The following TMEM106B variants were observed in gnomAD, a reference collection of about 807,000 sequenced individuals.
TMEM106B encodes the protein transmembrane protein 106B.
A neutral mutation model predicts 31.1 loss-of-function variants in TMEM106B; 15 were observed. The ratio of observed to expected loss-of-function variants is 0.48; its 90% CI spans 0.32 to 0.74. The LOEUF (loss-of-function observed/expected upper bound fraction) is 0.74. Ranked by LOEUF, TMEM106B falls within the 30% of genes least tolerant of loss-of-function variation. TMEM106B has a pLI of 0.03. For synonymous variants in TMEM106B, 126 were observed against 112.5 expected (o/e 1.12, Z -0.76); for missense variants, 283 against 327.3 (o/e 0.86, Z 1.04).
rs924856730 is a variant in TMEM106B, at chr7:12,212,661, G to A, written c.-3+1236G>A. Among the ~76,000 whole-genome samples, 100 of 152,038 alleles carry A rather than the reference G, an allele frequency of 6.6e-4. 2 individuals are homozygous for A. The highest frequency in any genetic ancestry group is 2.9e-5 in the Non-Finnish European group (2 of 68,032). On this transcript the variant is annotated intron_variant, in intron 1 of 7. Coordinates refer to ENST00000396668, the MANE Select transcript of TMEM106B (RefSeq NM_001134232.2). ...TTTTGTGTATATTCATGGAGTACAA[G>A]TGCCATTTGCTACATTGATACACAA... is the stretch of plus-strand genomic sequence containing the variant.
rs1468654244 is a variant in TMEM106B, at chr7:12,242,606, T to C, written c.*10631T>C. 3.3e-5 allele frequency: 5 copies of C among 152,148 alleles called. No individual in the cohort carries two copies. The highest frequency in any genetic ancestry group is 9.7e-5 in the African/African-American group (4 of 41,450). 9.4% of individuals were successfully genotyped at this position (152,148 alleles called of 1,614,324 possible). On this transcript the variant is annotated 3_prime_UTR_variant, in exon 8 of 8. Transcript: ENST00000396668. ...ATAAACTTTTATGCATCTGATATTATCTAATTGTGTCCTTACTGGGTAACT... is the reference window on the plus strand; with the variant it reads ...ATAAACTTTTATGCATCTGATATTACCTAATTGTGTCCTTACTGGGTAACT...
At chr7:12,211,448 T>TC (rs1434802223) in intron 1 of TMEM106B, 23 bp downstream of exon 1, 1 of 152,440 alleles carries the variant, frequency 6.6e-6, no homozygotes, top group African/African-American at 2.4e-5. Flanking sequence ...GGACGTGCAG[T>TC]CCCCAGGTCC....
chr7:12,237,803 T>TA lies in TMEM106B; in HGVS notation c.*5832dup, dbSNP rs1782166609. The TA allele has an allele frequency of 8.2e-6, 1 of 122,480 alleles. No homozygotes were observed. The highest frequency in any genetic ancestry group is 3.3e-5 in the African/African-American group (1 of 30,066). The allele number at this position is 122,480 out of a possible 1,614,324, so 7.6% of individuals were successfully genotyped here. A position where few individuals can be genotyped will look rare whatever the true frequency, so the allele number is the denominator to read the frequency against. ...TTGGTCAACATGGCGAGACCCCATA[T>TA]AAAATATATACATACACACACACAC... On this transcript the variant is annotated 3_prime_UTR_variant, in exon 8 of 8. Coordinates refer to ENST00000396668, the MANE Select transcript of TMEM106B (RefSeq NM_001134232.2).
chr7:12,241,847 C>T lies in TMEM106B; in HGVS notation c.*9872C>T, dbSNP rs1782242492. ...ACCACACTGTCTTCCACAATGGTTG[C>T]AATTTACACTCCCACCAACAGTGTG... On this transcript the variant is annotated 3_prime_UTR_variant, in exon 8 of 8. Transcript: ENST00000396668. The T allele has an allele frequency of 6.6e-6, 1 of 151,990 alleles. No homozygotes were observed. Among genetic ancestry groups the T allele is most frequent in the Admixed American group, 6.6e-5 (1 of 15,242 alleles). 9.4% of individuals were successfully genotyped at this position (151,990 alleles called of 1,614,324 possible). A position where few individuals can be genotyped will look rare whatever the true frequency, so the allele number is the denominator to read the frequency against.
At chr7:12,230,513 AT>A in intron 6 of TMEM106B, 75 bp downstream of exon 6, 1 of 1,026,300 alleles carries the variant, frequency 9.7e-7, no homozygotes, top group Non-Finnish European at 1.4e-6. Flanking sequence ...GAGTATACAT[AT>A]TTTTTAATTT....
intron 1 of TMEM106B, chr7:12,211,666 C>CT (rs976408004): frequency 6.6e-6 from 1 of 152,430 alleles, no homozygotes; most frequent in Non-Finnish European, 1.5e-5. Flanking sequence ...GCCCTCACAC[C>CT]TTGAGCGCCA....
chr7:12,222,034 G>T (rs1781799376), intron 3 of TMEM106B, among the ~76,000 whole-genome samples: 1 of 152,122 alleles, frequency 6.6e-6, no homozygotes, highest in South Asian at 2.1e-4. Flanking sequence ...TGAGTGATTT[G>T]TAAGATTATT....
At chr7:12,222,808 C>G (rs1781814077) in intron 3 of TMEM106B, among the ~76,000 whole-genome samples, 1 of 152,078 alleles carries the variant, frequency 6.6e-6, no homozygotes, top group Admixed American at 6.5e-5. Flanking sequence ...TTTAATAAAC[C>G]AGTTTGCTCT....
In TMEM106B at chr7:12,234,060, CATTTACTTT is replaced by C. The variant is rs1296192678; in HGVS notation, c.*2089_*2097del. 6.6e-6 allele frequency: 1 copy of C among 151,728 alleles called. No homozygotes were observed. The highest frequency in any genetic ancestry group is 1.9e-4 in the East Asian group (1 of 5,194). The allele number at this position is 151,728 out of a possible 1,614,324, so 9.4% of individuals were successfully genotyped here. A position where few individuals can be genotyped will look rare whatever the true frequency, so the allele number is the denominator to read the frequency against. The stretch of plus-strand genomic sequence containing the variant: ...ATGTTCCCATCCTGTCCTCATGTCC[CATTTACTTT>C]ATTATCACCATTCATTTCTTCAAAA... On this transcript the variant is annotated 3_prime_UTR_variant, in exon 8 of 8. Transcript: ENST00000396668.
chr7:12,224,976 T>C (rs539770990), intron 4 of TMEM106B, among the ~76,000 whole-genome samples: 51 of 152,080 alleles, frequency 3.4e-4, no homozygotes, highest in Non-Finnish European at 6.3e-4. Flanking sequence ...CATTAACTCA[T>C]CATTTACTTT....
rs1176536204 is a variant in TMEM106B, at chr7:12,237,953, C to T, written c.*5978C>T. ...GTCTGGATGTTGTTTGCTGATAGAT[C>T]CATGTAGTGGTTACTAAAGTTGGGG... On this transcript the variant is annotated 3_prime_UTR_variant, in exon 8 of 8. Coordinates refer to ENST00000396668, the MANE Select transcript of TMEM106B (RefSeq NM_001134232.2). The T allele has an allele frequency of 1.3e-5, 2 of 152,022 alleles. No individual in the cohort carries two copies. Among genetic ancestry groups the T allele is most frequent in the East Asian group, 1.9e-4 (1 of 5,178 alleles). The allele number at this position is 152,022 out of a possible 1,614,324, so 9.4% of individuals were successfully genotyped here.
intron 7 of TMEM106B, 33 bp downstream of exon 7, chr7:12,231,148 CTTG>C: frequency 6.7e-7 from 1 of 1,497,230 alleles, no homozygotes; most frequent in Non-Finnish European, 9.2e-7. Flanking sequence ...AGAGATTTTG[CTTG>C]TTAACATTTT....
chr7:12,233,891 A>G lies in TMEM106B; in HGVS notation c.*1916A>G, dbSNP rs1388595570. On this transcript the variant is annotated 3_prime_UTR_variant, in exon 8 of 8. Transcript: ENST00000396668. ...ACCTGTATCTGTAGTAGGGCTTCCA[A>G]ATCTGCTTCTCCATATGTGACCAGT... is the stretch of plus-strand genomic sequence containing the variant. 1 of 151,602 alleles carries G rather than the reference A, an allele frequency of 6.6e-6. No individual in the cohort carries two copies. Among genetic ancestry groups the G allele is most frequent in the African/African-American group, 2.4e-5 (1 of 41,376 alleles). 9.4% of individuals were successfully genotyped at this position (151,602 alleles called of 1,614,324 possible).
intron 7 of TMEM106B, 133 bp downstream of exon 7, chr7:12,231,248 G>C (rs962325580): frequency 4.8e-6 from 3 of 622,798 alleles, no homozygotes; most frequent in African/African-American, 1.9e-5. Context: ...AGTGCTATGA[G>C]TAAATATCAC....
At chr7:12,227,288 CT>C (rs1235241602) in intron 4 of TMEM106B, among the ~76,000 whole-genome samples, 1 of 151,962 alleles carries the variant, frequency 6.6e-6, no homozygotes, top group African/African-American at 2.4e-5. Context: ...AGTAGTACTA[CT>C]TTTTAGTAAC....
At chr7:12,224,622 G>T (rs1039309944) in intron 4 of TMEM106B, among the ~76,000 whole-genome samples, 1 of 127,986 alleles carries the variant, frequency 7.8e-6, no homozygotes, top group Non-Finnish European at 1.6e-5. Context: ...GTCTTTAGGA[G>T]GGTAAAATAA....
intron 4 of TMEM106B, among the ~76,000 whole-genome samples, chr7:12,227,360 T>A (rs1272542295): frequency 6.6e-6 from 1 of 152,058 alleles, no homozygotes; most frequent in Non-Finnish European, 1.5e-5. Context: ...CTATAATGTA[T>A]AAAGATTTTT....
chr7:12,217,024 G>C (rs530986414), intron 2 of TMEM106B, among the ~76,000 whole-genome samples: 5 of 109,152 alleles, frequency 4.6e-5, no homozygotes, highest in African/African-American at 1.8e-4. Flanking sequence ...GTCAGGAGAG[G>C]GATTTTTTTT....
chr7:12,224,027 C>G (rs1162519428), intron 3 of TMEM106B, among the ~76,000 whole-genome samples, 199 bp from the exon 4 acceptor site: 1 of 152,100 alleles, frequency 6.6e-6, no homozygotes, highest in African/African-American at 2.4e-5. Flanking sequence ...CCGATTTCAT[C>G]TTTTAAAGAG....
Sources: gnomAD v4.1 joint callset for allele counts (sites outside exome capture counted in the v4.1 genomes callset) on GRCh38, gnomAD v4.1.1 for gene constraint, MANE v1.5 for transcripts, NCBI Gene and HGNC (gene_info 2026-07-23, HGNC 2026-07-21) for gene names.